SUPT3H: variants seen among roughly 807,000 people sequenced by gnomAD.
The protein encoded by SUPT3H is SPT3 homolog, SAGA and STAGA complex component.
SUPT3H carries 44 observed loss-of-function variants against 44.3 expected under a neutral mutation model. That is an observed-to-expected ratio of 0.99 (90% CI 0.78 to 1.28). SUPT3H has a LOEUF of 1.28. SUPT3H is among the 50% of genes most tolerant of loss of function. The pLI is 0.00. For synonymous variants in SUPT3H, 124 were observed against 125.6 expected, an observed-to-expected ratio of 0.99 and a Z score of 0.09; for missense variants, 380 against 387.1, an observed-to-expected ratio of 0.98 and a Z score of 0.15.
intron 2 of SUPT3H, among the ~76,000 whole-genome samples, chr6:45,270,049 A>G (rs567509617): frequency 5.9e-5 from 9 of 152,156 alleles, no homozygotes; most frequent in Non-Finnish European, 1.2e-4. Context: ...CGTGGTATTT[A>G]TGACTGGCTT....
chr6:44,813,879 G>GA (rs1766721547), intron 11 of SUPT3H, among the ~76,000 whole-genome samples: 1 of 151,842 alleles, frequency 6.6e-6, no homozygotes, highest in South Asian at 2.1e-4. Flanking sequence ...AAATAAGTCT[G>GA]ACATACATCT....
intron 2 of SUPT3H, among the ~76,000 whole-genome samples, chr6:45,320,760 G>T (rs970857935): frequency 2.0e-5 from 3 of 152,110 alleles, no homozygotes; most frequent in African/African-American, 4.8e-5. Context: ...TCCTGGTAGG[G>T]CATCAACTAG....
intron 6 of SUPT3H, among the ~76,000 whole-genome samples, chr6:44,979,763 A>T (rs1013937785): frequency 6.6e-6 from 1 of 152,186 alleles, no homozygotes; most frequent in Non-Finnish European, 1.5e-5. Flanking sequence ...TCATTGGCAC[A>T]AATTAGAAAT....
At chr6:45,178,604 G>C (rs909542093) in intron 2 of SUPT3H, among the ~76,000 whole-genome samples, 3 of 151,986 alleles carry the variant, frequency 2.0e-5, no homozygotes, top group African/African-American at 7.3e-5. Context: ...CAAATCAACA[G>C]AATATACATT....
At chr6:44,974,456 T>A (rs17339061) in intron 6 of SUPT3H, among the ~76,000 whole-genome samples, 1,717 of 152,176 alleles carry the variant, frequency 0.011, 17 homozygotes, top group Non-Finnish European at 0.016. Context: ...CTCTGCAAAG[T>A]ACTTCTCAAT....
chr6:44,877,656 G>A (rs1282736154), intron 10 of SUPT3H, among the ~76,000 whole-genome samples: 1 of 152,086 alleles, frequency 6.6e-6, no homozygotes, highest in Admixed American at 6.6e-5. Context: ...ATGTGTGTGT[G>A]TATCTATATA....
In SUPT3H at chr6:45,014,769, C is replaced by A. The variant is rs74647467; in HGVS notation, c.364+32G>T. On this transcript the variant is annotated intron_variant, in intron 5 of 10. Transcript: ENST00000371459. ...ATCCAGCACACATGTGTCATAAGCT[C>A]ATGTTTTAGTTTTGTGTTTTGTTTT... The A allele has an allele frequency of 3.0e-5, 44 of 1,469,254 alleles. No individual in the cohort carries two copies. In the African/African-American group the frequency reaches 5.8e-4, roughly 20 times the overall value. 91.0% of individuals were successfully genotyped at this position (1,469,254 alleles called of 1,614,324 possible).
intron 2 of SUPT3H, among the ~76,000 whole-genome samples, chr6:45,228,015 C>G (rs983578399): frequency 1.6e-4 from 25 of 151,820 alleles, no homozygotes; most frequent in African/African-American, 6.0e-4. Context: ...TGATCTGTTG[C>G]CAATATGAAA....
At chr6:45,324,164 A>T (rs1300842499) in intron 2 of SUPT3H, among the ~76,000 whole-genome samples, 3 of 152,030 alleles carry the variant, frequency 2.0e-5, no homozygotes, top group Non-Finnish European at 4.4e-5. Context: ...TCTAATAATT[A>T]CAAGAAACAT....
At chr6:45,178,340 G>C (rs1489980866) in intron 2 of SUPT3H, among the ~76,000 whole-genome samples, 2 of 151,938 alleles carry the variant, frequency 1.3e-5, no homozygotes, top group African/African-American at 2.4e-5. Flanking sequence ...AATGGTAAAG[G>C]GATCAATTCA....
chr6:44,829,707 A>C lies in SUPT3H; in HGVS notation c.*109T>G, dbSNP rs959453051. The C allele has an allele frequency of 5.5e-6, 7 of 1,266,780 alleles. No homozygotes were observed. The highest frequency in any genetic ancestry group is 7.9e-6 in the Non-Finnish European group (7 of 887,838). 78.5% of individuals were successfully genotyped at this position (1,266,780 alleles called of 1,614,324 possible). On this transcript the variant is annotated 3_prime_UTR_variant, in exon 11 of 11. Transcript: ENST00000371459. The stretch of plus-strand genomic sequence containing the variant: ...GTTGAAAGTCACAACAGACCAGCCC[A>C]CTCCCTCAGATAAAAGAAAGGTAAA...
At chr6:44,909,144 T>C (rs755632146) in intron 10 of SUPT3H, among the ~76,000 whole-genome samples, 31 of 67,642 alleles carry the variant, frequency 4.6e-4, no homozygotes, top group Admixed American at 1.0e-3. Flanking sequence ...TGTGTGTGCG[T>C]GTGTGTGTGT....
At chr6:45,158,095 T>C (rs1808157105) in intron 2 of SUPT3H, among the ~76,000 whole-genome samples, 1 of 146,016 alleles carries the variant, frequency 6.8e-6, no homozygotes. Context: ...TATATTTATA[T>C]ACTAATATAT....
At chr6:45,373,921 G>A (rs1281835031) in intron 1 of SUPT3H, among the ~76,000 whole-genome samples, 1 of 152,144 alleles carries the variant, frequency 6.6e-6, no homozygotes, top group Admixed American at 6.5e-5. Context: ...CACTATCCAT[G>A]CTGTTACACA....
intron 2 of SUPT3H, among the ~76,000 whole-genome samples, chr6:45,294,399 A>G (rs1377310683): frequency 6.6e-6 from 1 of 152,182 alleles, no homozygotes; most frequent in African/African-American, 2.4e-5. Context: ...AGTTGAAAGC[A>G]TTCCCTCTGA....
chr6:45,105,771 C>A, intron 3 of SUPT3H, 151 bp downstream of exon 3: 1 of 493,596 alleles, frequency 2.0e-6, no homozygotes, highest in Non-Finnish European at 3.5e-6. Flanking sequence ...ATGCATTAAA[C>A]TAGTAAATTT....
intron 2 of SUPT3H, among the ~76,000 whole-genome samples, chr6:45,320,323 G>A (rs539632991): frequency 3.9e-4 from 60 of 152,132 alleles, no homozygotes; most frequent in African/African-American, 1.2e-3. Context: ...TAGTGCAGTG[G>A]CAAGTACACA....
intron 2 of SUPT3H, among the ~76,000 whole-genome samples, chr6:45,347,402 GTAGA>G (rs2150166737): frequency 1.3e-5 from 2 of 152,102 alleles, no homozygotes; most frequent in East Asian, 3.9e-4. Flanking sequence ...TCTTTTGGTG[GTAGA>G]TGTACACAAA....
intron 2 of SUPT3H, among the ~76,000 whole-genome samples, chr6:45,272,358 C>T (rs1584611325): frequency 6.6e-6 from 1 of 152,056 alleles, no homozygotes; most frequent in Admixed American, 6.5e-5. Context: ...TTTTCCCATG[C>T]TGTTCTTGTG....
Sources: gnomAD v4.1 joint callset for allele counts (sites outside exome capture counted in the v4.1 genomes callset) on GRCh38, gnomAD v4.1.1 for gene constraint, MANE v1.5 for transcripts, NCBI Gene and HGNC (gene_info 2026-07-23, HGNC 2026-07-21) for gene names.